Variants in SCUBE2 observed in about 807,000 individuals in gnomAD.
SCUBE2 encodes signal peptide, CUB and EGF-like domain-containing protein 2.
SCUBE2 carries 114 observed loss-of-function variants against 125.9 expected under a neutral mutation model. That is an observed-to-expected ratio of 0.91 (90% CI 0.78 to 1.06). The LOEUF is 1.06. Ranked by LOEUF, SCUBE2 falls within the 50% of genes least tolerant of loss-of-function variation. SCUBE2 has a pLI of 0.00. For synonymous variants in SCUBE2, 459 were observed against 492.9 expected (o/e 0.93, Z 0.91); for missense variants, 1,255 against 1,301.8 (o/e 0.96, Z 0.55).
intron 7 of SCUBE2, chr11:9,064,787 T>C (rs1590109400): frequency 6.6e-6 from 1 of 152,202 alleles, no homozygotes; most frequent in African/African-American, 2.4e-5. Flanking sequence ...CTGTATGATA[T>C]GTTGCCTGAC....
intron 7 of SCUBE2, chr11:9,064,467 TAAAAAAA>T (rs112249412): frequency 7.7e-6 from 1 of 130,032 alleles, no homozygotes; most frequent in Non-Finnish European, 1.6e-5. Flanking sequence ...GACTCTGTCT[TAAAAAAA>T]AAAAAAAAAG....
At chr11:9,076,060 C>G (rs903967425) in intron 3 of SCUBE2, among the ~76,000 whole-genome samples, 2 of 152,182 alleles carry the variant, frequency 1.3e-5, no homozygotes, top group African/African-American at 4.8e-5. Context: ...CAGTGGGGAG[C>G]TTGGAAGAGA....
At chr11:9,085,233 A>T (rs1861953651) in intron 2 of SCUBE2, among the ~76,000 whole-genome samples, 1 of 152,132 alleles carries the variant, frequency 6.6e-6, no homozygotes, top group East Asian at 1.9e-4. Context: ...AAATGGTGAA[A>T]TTTGAATAAA....
intron 2 of SCUBE2, among the ~76,000 whole-genome samples, chr11:9,087,232 A>T (rs1280373356): frequency 6.6e-6 from 1 of 152,216 alleles, no homozygotes; most frequent in Non-Finnish European, 1.5e-5. Context: ...AGAGTAAGGA[A>T]ACTCTTGCCA....
In SCUBE2 at chr11:9,025,706, A is replaced by G. The variant is rs776634366; in HGVS notation, c.2850T>C (p.Tyr950=). The change falls in exon 21 of 23, where the codon TAT becomes TAC. Residue 950 remains tyrosine (Y), a synonymous_variant. Transcript: ENST00000649792. ...ARGFQVPYVT[Y]DEDYQELIED... is the part of the protein sequence containing the mutation. ...TGTGCTGCAGGCTGTGCTTACCATC[A>G]TATGTCACGTATGGGACCTGGAACC... The G allele has an allele frequency of 3.2e-5, 51 of 1,613,928 alleles. No homozygotes were observed. The highest frequency in any genetic ancestry group is 4.2e-5 in the Non-Finnish European group (50 of 1,179,996).
At chr11:9,051,242 CTA>C (rs1858378837) in intron 13 of SCUBE2, among the ~76,000 whole-genome samples, 1 of 151,352 alleles carries the variant, frequency 6.6e-6, no homozygotes, top group African/African-American at 2.4e-5. Flanking sequence ...ACCTACCTAT[CTA>C]TCTATCTATC....
chr11:9,035,872 AT>A lies in SCUBE2; in HGVS notation c.2003-2077del, dbSNP rs528055710. On this transcript the variant is annotated intron_variant, in intron 16 of 22. Coordinates refer to ENST00000649792, the MANE Select transcript of SCUBE2 (RefSeq NM_001367977.2). ...TTTTCTTTTACAACATTCATGTATCATTTAAATACAATTTTATATATATAGA... is the reference window on the plus strand; with the variant it reads ...TTTTCTTTTACAACATTCATGTATCATTAAATACAATTTTATATATATAGA... 3.7e-4 allele frequency among the ~76,000 whole-genome samples: 57 copies of A among 152,080 alleles called. 2 individuals are homozygous for A. Among genetic ancestry groups the A allele is most frequent in the African/African-American group, 1.3e-3 (54 of 41,364 alleles).
chr11:9,070,080 C>T (rs953098219), intron 4 of SCUBE2, among the ~76,000 whole-genome samples: 3 of 152,156 alleles, frequency 2.0e-5, no homozygotes, highest in Non-Finnish European at 4.4e-5. Flanking sequence ...TGATCCCTCC[C>T]TCAGGGCATA....
chr11:9,071,037 C>T (rs1354732599), intron 4 of SCUBE2, among the ~76,000 whole-genome samples: 1 of 152,132 alleles, frequency 6.6e-6, no homozygotes, highest in Non-Finnish European at 1.5e-5. Flanking sequence ...TGATTTGCAC[C>T]CCAGTACTGA....
rs989212099 is a variant in SCUBE2 at position 9,041,852 on chromosome 11, A to C, written c.2002+5504T>G. On this transcript the variant is annotated intron_variant, in intron 16 of 22. Coordinates refer to ENST00000649792, the MANE Select transcript of SCUBE2 (RefSeq NM_001367977.2). ...GGAGATGGGTTTGTGTGATGTTGGA[A>C]ATGATCTAGCAGAGGAGAAGAATTC... Among the ~76,000 whole-genome samples, 3 of 152,116 alleles carry C rather than the reference A, an allele frequency of 2.0e-5. No individual in the cohort carries two copies. The East Asian group carries it at 5.8e-4, about 29-fold the overall frequency.
intron 6 of SCUBE2, among the ~76,000 whole-genome samples, 193 bp downstream of exon 6, chr11:9,066,504 T>G (rs942315751): frequency 8.5e-5 from 13 of 152,148 alleles, no homozygotes; most frequent in African/African-American, 3.1e-4. Flanking sequence ...CTTCCCAAGG[T>G]CACACAGGGA....
At chr11:9,028,473 C>A (rs985922925) in intron 19 of SCUBE2, among the ~76,000 whole-genome samples, 1 of 152,212 alleles carries the variant, frequency 6.6e-6, no homozygotes, top group African/African-American at 2.4e-5. Context: ...CCTTCACCCA[C>A]AGCACCCAGC....
At chr11:9,044,563 G>T (rs904327786) in intron 16 of SCUBE2, among the ~76,000 whole-genome samples, 1 of 152,134 alleles carries the variant, frequency 6.6e-6, no homozygotes, top group Non-Finnish European at 1.5e-5. Context: ...CTATTCATAC[G>T]TAAACCTACA....
chr11:9,025,578 C>T, intron 21 of SCUBE2, 124 bp downstream of exon 21: 12 of 1,235,358 alleles, frequency 9.7e-6, no homozygotes, highest in Non-Finnish European at 1.4e-5. Context: ...TCAGCAATGT[C>T]TTTTCCCCTC....
chr11:9,091,507 G>C lies in SCUBE2; in HGVS notation c.22C>G (p.Arg8Gly), dbSNP rs1274409075. ...AGCACCGCCCAGGCCGCCCCGGGAC[G>C]GTTGCGGCCCGCGACCCCCATGGAT... is the stretch of plus-strand genomic sequence containing the variant. The part of the protein sequence containing the change: MGVAGRN[R>G]PGAAWAVLLL... The change falls in exon 1 of 23, where the codon CGT (arginine) becomes GGT (glycine). Residue 8 changes from arginine to glycine, a missense_variant. By Grantham distance (125) the Arg-to-Gly change is moderately radical. This residue lies in a region of SCUBE2 where 362 missense variants were observed against 323.0 expected (regional missense o/e 1.12). Transcript: ENST00000649792. This position sits in a 1 kb window ranked among gnomAD's most constrained non-coding sequence, Gnocchi z 8.5. 7.9e-6 allele frequency: 8 copies of C among 1,012,452 alleles called. No individual in the cohort carries two copies. Among genetic ancestry groups the C allele is most frequent in the East Asian group, 3.7e-5 (1 of 27,376 alleles). The allele number at this position is 1,012,452 out of a possible 1,614,324, so 62.7% of individuals were successfully genotyped here. A position where few individuals can be genotyped will look rare whatever the true frequency, so the allele number is the denominator to read the frequency against.
intron 2 of SCUBE2, among the ~76,000 whole-genome samples, chr11:9,083,867 G>T (rs1861854137): frequency 6.6e-6 from 1 of 152,084 alleles, no homozygotes; most frequent in African/African-American, 2.4e-5. Flanking sequence ...TAATGGTTTG[G>T]AATCCAAAGT....
chr11:9,074,583 A>T lies in SCUBE2; in HGVS notation c.415T>A (p.Cys139Ser), dbSNP rs1281703916. 2.5e-6 allele frequency: 4 copies of T among 1,614,208 alleles called. No individual in the cohort carries two copies. ...ATGACGTTGACACAGGTATGCTGGC[A>T]GCCGCCATTGTTCTCCAGGCACTCG... ...VDECLENNGG[C>S]QHTCVNVMGS... Residue 139 changes from cysteine (C) to serine (S), a missense_variant, in exon 4 of 23, where the codon TGC becomes AGC. Coordinates refer to ENST00000649792, the MANE Select transcript of SCUBE2 (RefSeq NM_001367977.2).
At chr11:9,076,258 C>T (rs1337096136) in intron 3 of SCUBE2, among the ~76,000 whole-genome samples, 1 of 152,012 alleles carries the variant, frequency 6.6e-6, no homozygotes, top group Admixed American at 6.6e-5. Flanking sequence ...TCCCAAGAGC[C>T]TCCAGGGAAG....
At chr11:9,056,789 A>G (rs1236844978) in intron 9 of SCUBE2, among the ~76,000 whole-genome samples, 1 of 152,208 alleles carries the variant, frequency 6.6e-6, no homozygotes, top group Non-Finnish European at 1.5e-5. Flanking sequence ...GTGTCTCCAA[A>G]TGGATAAACC....
Sources: gnomAD v4.1 joint callset for allele counts (sites outside exome capture counted in the v4.1 genomes callset) on GRCh38, gnomAD v4.1.1 for gene constraint, gnomAD v4.1.1 regional missense constraint, Gnocchi (gnomAD v3.1) non-coding constraint, MANE v1.5 for transcripts, NCBI Gene and HGNC (gene_info 2026-07-23, HGNC 2026-07-21) for gene names.